The following AMBRA1 variants were observed in gnomAD, a reference collection of about 807,000 sequenced individuals.
AMBRA1 encodes the protein activating molecule in BECN1-regulated autophagy protein 1.
AMBRA1 carries 47 observed loss-of-function variants against 125.4 expected under a neutral mutation model. That is an observed-to-expected ratio of 0.37 (90% CI 0.30 to 0.48). The LOEUF is 0.48. Ranked by LOEUF, AMBRA1 falls within the 20% of genes least tolerant of loss-of-function variation. The pLI is 0.99. For missense variants in AMBRA1, 1,331 were observed against 1,693.4 expected, an observed-to-expected ratio of 0.79 and a Z score of 3.76; for synonymous variants, 626 against 655.5, an observed-to-expected ratio of 0.95 and a Z score of 0.69.
intron 13 of AMBRA1, 68 bp from the exon 14 acceptor site, chr11:46,433,696 C>A: frequency 6.6e-7 from 1 of 1,505,786 alleles, no homozygotes; most frequent in Non-Finnish European, 9.1e-7. Context: ...AACTTTCACT[C>A]TTACTCTTGT....
At chr11:46,421,785 C>T (rs1946860315) in intron 14 of AMBRA1, among the ~76,000 whole-genome samples, 1 of 152,154 alleles carries the variant, frequency 6.6e-6, no homozygotes, top group South Asian at 2.1e-4. Flanking sequence ...CTGCTAATCC[C>T]AAACCATTTA....
chr11:46,577,655 AAG>A (rs1044998745), intron 1 of AMBRA1, among the ~76,000 whole-genome samples: 2 of 152,154 alleles, frequency 1.3e-5, no homozygotes, highest in Non-Finnish European at 2.9e-5. Context: ...AAAAAGAAAA[AAG>A]AAAAAAAATT....
Position 46,463,061 on chromosome 11 carries a change from C to T in AMBRA1, c.2522-19463G>A, listed in dbSNP as rs534603041. On this transcript the variant is annotated intron_variant, in intron 11 of 17. Coordinates refer to ENST00000683756, the MANE Select transcript of AMBRA1 (RefSeq NM_001387011.1). ...GAGCCACCACGTCTGGCCAATAATC[C>T]CCTTTTCTAAGAAGTCTTTTCTAAT... Among the ~76,000 whole-genome samples, 12 of 152,188 alleles carry T rather than the reference C, an allele frequency of 7.9e-5. No individual in the cohort carries two copies. In the South Asian group the frequency reaches 2.1e-3, roughly 26 times the overall value.
intron 17 of AMBRA1, 105 bp from the exon 18 acceptor site, chr11:46,398,048 AG>A (rs1481971988): frequency 1.4e-6 from 2 of 1,414,698 alleles, no homozygotes; most frequent in African/African-American, 2.9e-5. Flanking sequence ...GACTAAACGC[AG>A]GATAGAGAAA....
intron 1 of AMBRA1, among the ~76,000 whole-genome samples, chr11:46,590,849 G>A (rs1460332714): frequency 6.6e-6 from 1 of 151,070 alleles, no homozygotes; most frequent in Non-Finnish European, 1.5e-5. Flanking sequence ...GGAAGTGGAG[G>A]TTGCAGTGAA....
intron 3 of AMBRA1, 125 bp from the exon 4 acceptor site, chr11:46,547,421 G>C: frequency 1.2e-6 from 1 of 827,258 alleles, no homozygotes; most frequent in South Asian, 2.0e-5. Context: ...ACTAAGCTTT[G>C]TATGTTAGGC....
At chr11:46,449,286 C>A (rs968230509) in intron 11 of AMBRA1, among the ~76,000 whole-genome samples, 1 of 152,076 alleles carries the variant, frequency 6.6e-6, no homozygotes, top group African/African-American at 2.4e-5. Context: ...ACTGTCTAAT[C>A]CCAAAGAATC....
At chr11:46,489,066 A>C (rs761705156) in intron 11 of AMBRA1, among the ~76,000 whole-genome samples, 2 of 151,858 alleles carry the variant, frequency 1.3e-5, no homozygotes, top group Non-Finnish European at 2.9e-5. Flanking sequence ...CCGCCCGGTT[A>C]ATTTTTTTTT....
In AMBRA1 at chr11:46,408,682, T is replaced by C; in HGVS notation, c.3234A>G (p.Thr1078=). Residue 1078 remains threonine (T), a synonymous_variant, in exon 17 of 18, where the codon ACA becomes ACG. Coordinates refer to ENST00000683756, the MANE Select transcript of AMBRA1 (RefSeq NM_001387011.1). ...CATTCATCAGCCCCATGTCTCTGTC[T>C]GTCCTCCATGTGGCTCTGCTGGTTC... is the stretch of plus-strand genomic sequence containing the variant. ...RPGTSRATWR[T]DRDMGLMNAI... is the part of the protein sequence containing the mutation. The C allele has an allele frequency of 1.9e-6, 3 of 1,566,860 alleles. No individual in the cohort carries two copies. In the African/African-American group the frequency reaches 4.1e-5, roughly 21 times the overall value.
intron 9 of AMBRA1, among the ~76,000 whole-genome samples, chr11:46,505,959 C>T (rs1313195816): frequency 1.3e-5 from 2 of 152,186 alleles, no homozygotes; most frequent in Admixed American, 1.3e-4. Flanking sequence ...CAATCCACAA[C>T]ACTGACTCCC....
intron 1 of AMBRA1, among the ~76,000 whole-genome samples, chr11:46,579,176 G>T (rs2044082897): frequency 2.6e-5 from 4 of 151,610 alleles, no homozygotes; most frequent in African/African-American, 9.7e-5. Context: ...ACATAAAAAG[G>T]GCCGGGCATG....
chr11:46,509,688 G>T (rs1230425196), intron 8 of AMBRA1, among the ~76,000 whole-genome samples: 1 of 152,104 alleles, frequency 6.6e-6, no homozygotes, highest in Non-Finnish European at 1.5e-5. Context: ...GAGAAAAATT[G>T]AAGAATGGTC....
At chr11:46,536,809 C>A (rs1363012516) in intron 7 of AMBRA1, among the ~76,000 whole-genome samples, 4 of 152,216 alleles carry the variant, frequency 2.6e-5, no homozygotes, top group Admixed American at 1.3e-4. Flanking sequence ...ACTTAGCAAT[C>A]CAATGAGGGC....
chr11:46,533,316 C>G (rs1279672688), intron 7 of AMBRA1, among the ~76,000 whole-genome samples: 2 of 152,296 alleles, frequency 1.3e-5, no homozygotes, highest in South Asian at 4.1e-4. Flanking sequence ...TACAATTGTA[C>G]ATTTCTGTAA....
intron 7 of AMBRA1, among the ~76,000 whole-genome samples, chr11:46,517,146 CTT>C (rs369058163): frequency 3.2e-4 from 39 of 121,970 alleles, no homozygotes; most frequent in African/African-American, 3.7e-4. Flanking sequence ...TACTCAAAAG[CTT>C]TTTTTTTTTT....
intron 1 of AMBRA1, among the ~76,000 whole-genome samples, chr11:46,565,550 C>CA (rs1485346155): frequency 1.3e-5 from 2 of 151,584 alleles, no homozygotes; most frequent in Admixed American, 6.6e-5. Context: ...CTACATAAAC[C>CA]AAAAAAATTA....
intron 17 of AMBRA1, among the ~76,000 whole-genome samples, chr11:46,405,686 A>C (rs1945976321): frequency 6.6e-6 from 1 of 151,980 alleles, no homozygotes; most frequent in Non-Finnish European, 1.5e-5. Context: ...TGATGGTGCC[A>C]CTGTACTCCA....
chr11:46,428,751 G>A lies in AMBRA1; in HGVS notation c.2976+4723C>T, dbSNP rs1055547533. On this transcript the variant is annotated intron_variant, in intron 14 of 17. Coordinates refer to ENST00000683756, the MANE Select transcript of AMBRA1 (RefSeq NM_001387011.1). The stretch of plus-strand genomic sequence containing the variant: ...GCCTCGGCTTTCTTGTCGGCACCAG[G>A]TGGCACAGCACTCCGTCTGTAGGTA... The A allele has an allele frequency of 1.9e-6, 3 of 1,610,296 alleles. No homozygotes were observed. In the African/African-American group the frequency reaches 4.0e-5, roughly 22 times the overall value.
At chr11:46,464,414 C>G (rs933977456) in intron 11 of AMBRA1, among the ~76,000 whole-genome samples, 7 of 152,120 alleles carry the variant, frequency 4.6e-5, no homozygotes, top group African/African-American at 1.7e-4. Flanking sequence ...CACTATGCAC[C>G]TTCCTGAGAT....
Sources: allele counts gnomAD v4.1 joint callset (sites outside exome capture counted in the v4.1 genomes callset), GRCh38; gene constraint gnomAD v4.1.1; transcripts MANE v1.5; gene names NCBI Gene and HGNC (gene_info 2026-07-23, HGNC 2026-07-21).